CHN2: variants seen among roughly 807,000 people sequenced by gnomAD.
The protein encoded by CHN2 is chimerin 2, also known as beta-chimaerin.
CHN2 carries 35 observed loss-of-function variants against 56.3 expected under a neutral mutation model. That is an observed-to-expected ratio of 0.62 (90% CI 0.47 to 0.82). The LOEUF (loss-of-function observed/expected upper bound fraction) is 0.82. CHN2 is among the 40% of genes least tolerant of loss of function. CHN2 has a pLI of 0.00. For synonymous variants in CHN2, 210 were observed against 212.8 expected (o/e 0.99, Z 0.12); for missense variants, 491 against 580.5 (o/e 0.85, Z 1.58).
chr7:29,508,921 G>A (rs971193782), intron 11 of CHN2, among the ~76,000 whole-genome samples: 1 of 152,208 alleles, frequency 6.6e-6, no homozygotes, highest in Non-Finnish European at 1.5e-5. Flanking sequence ...CAATACTACC[G>A]TATGTGGTGC....
intron 1 of CHN2, among the ~76,000 whole-genome samples, chr7:29,346,020 C>G (rs749547633): frequency 4.6e-5 from 7 of 152,104 alleles, no homozygotes; most frequent in East Asian, 1.9e-4. Flanking sequence ...CATCCCTTAC[C>G]CAAGCAGAGT....
intron 1 of CHN2, among the ~76,000 whole-genome samples, chr7:29,336,930 TCTC>T (rs1796673832): frequency 6.6e-6 from 1 of 152,088 alleles, no homozygotes; most frequent in South Asian, 2.1e-4. Flanking sequence ...TCCAATGTCA[TCTC>T]CTCTGTGAGG....
intron 2 of CHN2, among the ~76,000 whole-genome samples, chr7:29,357,250 T>G (rs1416243043): frequency 6.6e-6 from 1 of 152,228 alleles, no homozygotes; most frequent in Non-Finnish European, 1.5e-5. Context: ...CTTTATTATA[T>G]CCAACTAATA....
intron 7 of CHN2, among the ~76,000 whole-genome samples, chr7:29,491,722 T>G (rs560288607): frequency 6.6e-6 from 1 of 152,326 alleles, no homozygotes; most frequent in Admixed American, 6.5e-5. Context: ...TCTTTTTGAT[T>G]AATGGATTTC....
chr7:29,458,773 A>G (rs561961663), intron 6 of CHN2, among the ~76,000 whole-genome samples: 103 of 152,332 alleles, frequency 6.8e-4, no homozygotes, highest in African/African-American at 2.2e-3. Context: ...AGTTTCCCAC[A>G]TTCTCTTGGC....
intron 1 of CHN2, among the ~76,000 whole-genome samples, chr7:29,353,383 G>A (rs1691087122): frequency 6.6e-6 from 1 of 152,252 alleles, no homozygotes; most frequent in South Asian, 2.1e-4. Context: ...GCCAGGCGCA[G>A]TGGCTCACGC....
At chr7:29,388,818 C>T (rs991828253) in intron 3 of CHN2, among the ~76,000 whole-genome samples, 15 of 152,296 alleles carry the variant, frequency 9.8e-5, no homozygotes, top group African/African-American at 3.6e-4. Flanking sequence ...ATAACATTCG[C>T]ATGGCCTCAT....
chr7:29,254,153 T>G (rs1788871362), intron 1 of CHN2, among the ~76,000 whole-genome samples: 1 of 152,228 alleles, frequency 6.6e-6, no homozygotes. Context: ...TCCATCTGCC[T>G]TGGCCTCCCA....
At chr7:29,252,799 G>C (rs892618218) in intron 1 of CHN2, among the ~76,000 whole-genome samples, 2 of 118,488 alleles carry the variant, frequency 1.7e-5, no homozygotes, top group East Asian at 4.0e-4. Context: ...GTTTCACCTT[G>C]TTAGCCAGGA....
At position 29,177,359 on chromosome 7, in the gene CHN2, T is replaced by G. The variant is rs1342836104; in HGVS notation, c.274+30399T>G. ...ACCTCTGCCTCCCGGGTTCAAGCAA[T>G]TCTCCTGCCGCAATCTCCTGAGTAG... is the stretch of plus-strand genomic sequence containing the variant. On this transcript the variant is annotated intron_variant, in intron 2 of 6. Coordinates refer to the CHN2 transcript ENST00000439384. 2.0e-5 allele frequency among the ~76,000 whole-genome samples: 3 copies of G among 152,162 alleles called. 1 individual carries two copies. The highest frequency in any genetic ancestry group is 7.2e-5 in the African/African-American group (3 of 41,440).
chr7:29,179,971 T>C (rs1030663578), intron 2 of CHN2, among the ~76,000 whole-genome samples: 1 of 152,226 alleles, frequency 6.6e-6, no homozygotes, highest in Non-Finnish European at 1.5e-5. Flanking sequence ...TTGCTATTTG[T>C]CTTGTATTTT....
Position 29,259,737 on chromosome 7 carries a change from A to G in CHN2, c.49+64747A>G, listed in dbSNP as rs7789549. On this transcript the variant is annotated intron_variant, in intron 1 of 12. Coordinates refer to ENST00000222792, the MANE Select transcript of CHN2 (RefSeq NM_004067.4). The stretch of plus-strand genomic sequence containing the variant: ...GGCCTCACTCTCCCACCACACACAC[A>G]GCAATGGAAACAAAGTGTGGTGAGG... Among the ~76,000 whole-genome samples the G allele has an allele frequency of 9.5e-3, 1,451 of 152,284 alleles. 23 individuals are homozygous for G. Among genetic ancestry groups the G allele is most frequent in the African/African-American group, 0.032 (1,344 of 41,552 alleles).
intron 3 of CHN2, among the ~76,000 whole-genome samples, chr7:29,374,847 T>TCCTG (rs762332699): frequency 1.5e-4 from 22 of 145,446 alleles, no homozygotes; most frequent in African/African-American, 4.6e-4. Context: ...CTTCCTTCCT[T>TCCTG]CCTGCCTCCC....
intron 1 of CHN2, among the ~76,000 whole-genome samples, chr7:29,234,482 A>G (rs1319282844): frequency 6.6e-6 from 1 of 152,190 alleles, no homozygotes; most frequent in Non-Finnish European, 1.5e-5. Flanking sequence ...GCCCCAGGTT[A>G]TAACTCTTAA....
intron 10 of CHN2, among the ~76,000 whole-genome samples, chr7:29,506,509 T>A (rs972459196): frequency 2.0e-5 from 3 of 152,012 alleles, no homozygotes; most frequent in Admixed American, 2.0e-4. Flanking sequence ...TGGTGGCACG[T>A]CCCTGGAATC....
At chr7:29,235,243 C>G (rs1395041488) in intron 1 of CHN2, among the ~76,000 whole-genome samples, 1 of 152,114 alleles carries the variant, frequency 6.6e-6, no homozygotes, top group Admixed American at 6.5e-5. Context: ...AGACACTTCT[C>G]AAAAGAAGAC....
chr7:29,252,187 A>ATTTTTTTT (rs3046893), intron 1 of CHN2, among the ~76,000 whole-genome samples: 1 of 113,930 alleles, frequency 8.8e-6, no homozygotes, highest in Non-Finnish European at 1.7e-5. Context: ...ATTATACAGG[A>ATTTTTTTT]TTTTTTTTTT....
chr7:29,320,820 C>T (rs1336793848), intron 1 of CHN2, among the ~76,000 whole-genome samples: 1 of 152,158 alleles, frequency 6.6e-6, no homozygotes, highest in Non-Finnish European at 1.5e-5. Context: ...TTCCAGTCTT[C>T]TCACATGTTC....
chr7:29,447,466 T>C (rs1443758360), intron 6 of CHN2, among the ~76,000 whole-genome samples: 1 of 152,154 alleles, frequency 6.6e-6, no homozygotes, highest in Non-Finnish European at 1.5e-5. Context: ...CAGTCTGATA[T>C]ATGTCTAACT....
Sources: gnomAD v4.1 joint callset for allele counts (sites outside exome capture counted in the v4.1 genomes callset) on GRCh38, gnomAD v4.1.1 for gene constraint, MANE v1.5 for transcripts, NCBI Gene and HGNC (gene_info 2026-07-23, HGNC 2026-07-21) for gene names.